The following PEX5 variants were observed in gnomAD, a reference collection of about 807,000 sequenced individuals.
The protein encoded by PEX5 is peroxisomal biogenesis factor 5, also known as PTS1 receptor.
A neutral mutation model predicts 82.9 loss-of-function variants in PEX5; 52 were observed. The ratio of observed to expected loss-of-function variants is 0.63; its 90% confidence interval spans 0.50 to 0.79. PEX5 has a LOEUF of 0.79. Among genes scored for constraint, PEX5 ranks in the 30% least tolerant of loss-of-function variants. PEX5 has a pLI of 0.00. For missense variants in PEX5, 719 were observed against 815.2 expected, an observed-to-expected ratio of 0.88 and a Z score of 1.44; for synonymous variants, 300 against 318.8, an observed-to-expected ratio of 0.94 and a Z score of 0.63.
At position 7,207,874 on chromosome 12, in the gene PEX5, T is replaced by C. The variant is rs180681575; in HGVS notation, c.1110+72T>C. ...ATCTTGAGAAAGGCCCCAAGGAGAGTAGTGCAGATGGGTTAGGGCCTGGGT... is the reference window on the plus strand; with the variant it reads ...ATCTTGAGAAAGGCCCCAAGGAGAGCAGTGCAGATGGGTTAGGGCCTGGGT... On this transcript the variant is annotated intron_variant, in intron 11 of 15. Coordinates refer to ENST00000675855, the MANE Select transcript of PEX5 (RefSeq NM_001351132.2). 55 of 1,572,194 alleles carry C rather than the reference T, an allele frequency of 3.5e-5. No homozygotes were observed. In the African/African-American group the frequency reaches 5.7e-4, roughly 16 times the overall value.
chr12:7,200,210 CG>C (rs1943596635), intron 6 of PEX5, among the ~76,000 whole-genome samples: 1 of 121,620 alleles, frequency 8.2e-6, no homozygotes. Context: ...ACCTCCCAGA[CG>C]GGGTCGCGGC....
chr12:7,209,202 T>A (rs747429536), intron 14 of PEX5, 32 bp downstream of exon 14: 1 of 1,605,506 alleles, frequency 6.2e-7, no homozygotes, highest in Non-Finnish European at 8.5e-7. Flanking sequence ...AAATGGGACA[T>A]GACTGTGTAC....
intron 7 of PEX5, 51 bp downstream of exon 7, chr12:7,201,892 C>T: frequency 7.4e-7 from 1 of 1,350,344 alleles, no homozygotes; most frequent in African/African-American, 1.4e-5. Context: ...TTTTGGAAGG[C>T]AAGAATCTTG....
rs1222592386 is a variant in PEX5, at chr12:7,197,383, A to G, written c.449-1628A>G. Among the ~76,000 whole-genome samples the G allele has an allele frequency of 2.2e-5, 3 of 138,792 alleles. No homozygotes were observed. In the East Asian group the frequency reaches 6.1e-4, roughly 28 times the overall value. 91.1% of individuals were successfully genotyped at this position (138,792 alleles called of 152,430 possible). The stretch of plus-strand genomic sequence containing the variant: ...GTAATAATTATATATGTCATATACA[A>G]TGTAATAATTATATATATGTCATAT... On this transcript the variant is annotated intron_variant, in intron 5 of 15. Transcript: ENST00000675855.
At chr12:7,215,171 A>G (rs765942279), downstream of PEX5, among the ~76,000 whole-genome samples, 1 of 152,344 alleles carries the variant, frequency 6.6e-6, no homozygotes, top group South Asian at 2.1e-4. Flanking sequence ...CAACATTACT[A>G]ATGAAATGCA....
chr12:7,204,447 C>A lies in PEX5; in HGVS notation c.966+896C>A, dbSNP rs148418592. Among the ~76,000 whole-genome samples the A allele has an allele frequency of 1.0e-3, 158 of 152,192 alleles. 1 individual carries two copies. Among genetic ancestry groups the A allele is most frequent in the African/African-American group, 3.7e-3 (152 of 41,506 alleles). On this transcript the variant is annotated intron_variant, in intron 10 of 15. Coordinates refer to ENST00000675855, the MANE Select transcript of PEX5 (RefSeq NM_001351132.2). ...CAGAAAAAGGCTAGAGTTTGAGAGC[C>A]AGTGAAGAACAGTATTAGGAAAAAT...
At chr12:7,201,306 C>G (rs200380421) in intron 6 of PEX5, among the ~76,000 whole-genome samples, 22,425 of 133,704 alleles carry the variant, frequency 0.17, 2,087 homozygotes, top group Non-Finnish European at 0.22. Flanking sequence ...CACACATACA[C>G]ATACACATGT....
rs1260001672 is a variant in PEX5, at chr12:7,190,451, C to T, written c.74C>T (p.Thr25Ile). The change falls in exon 2 of 16, where the codon ACC (threonine) becomes ATC (isoleucine). Residue 25 changes from threonine (T) to isoleucine (I), a missense_variant. Thr to Ile is a moderately conservative substitution (Grantham distance 89). Coordinates refer to ENST00000675855, the MANE Select transcript of PEX5 (RefSeq NM_001351132.2). ...NPLMKLAGHF[T>I]QDKALRQEGL... ...CTCATGAAGCTCGCCGGGCACTTCACCCAGGACAAGGCCCTTCGGCAGGAG... is the reference window on the plus strand; with the variant it reads ...CTCATGAAGCTCGCCGGGCACTTCATCCAGGACAAGGCCCTTCGGCAGGAG... 2.5e-6 allele frequency: 4 copies of T among 1,614,174 alleles called. No individual in the cohort carries two copies. Among genetic ancestry groups the T allele is most frequent in the African/African-American group, 2.7e-5 (2 of 75,046 alleles).
At chr12:7,196,522 TAATTA>T (rs1188939899) in intron 5 of PEX5, among the ~76,000 whole-genome samples, 3 of 45,614 alleles carry the variant, frequency 6.6e-5, no homozygotes, top group Middle Eastern at 0.038. Flanking sequence ...TATAATGTAA[TAATTA>T]TATATGTCAC....
intron 14 of PEX5, 111 bp downstream of exon 14, chr12:7,209,281 A>AT (rs1336560809): frequency 5.4e-6 from 6 of 1,103,682 alleles, no homozygotes; most frequent in Non-Finnish European, 8.1e-6. Flanking sequence ...GCTACTTGGG[A>AT]GGCTGAAGTG....
intron 11 of PEX5, 96 bp from the exon 12 acceptor site, chr12:7,207,914 G>A: frequency 6.6e-7 from 1 of 1,522,140 alleles, no homozygotes; most frequent in South Asian, 1.1e-5. Flanking sequence ...GCCTAGGATA[G>A]GGGCTTGAGA....
chr12:7,189,104 T>A (rs1940421523), upstream of PEX5: 1 of 152,082 alleles, frequency 6.6e-6, no homozygotes, highest in Admixed American at 6.5e-5. Flanking sequence ...ATTTTCCCCA[T>A]TATGCAGAGG....
In PEX5 at chr12:7,199,457, C is replaced by A. The variant is rs375085478; in HGVS notation, c.551+344C>A. Reference sequence around the variant, plus strand: ...TCTGTTTAACAAAGCACATCTTGCACCGCCCTTAATCCATTTAACCCTGAG... The same window carrying A: ...TCTGTTTAACAAAGCACATCTTGCAACGCCCTTAATCCATTTAACCCTGAG... On this transcript the variant is annotated intron_variant, in intron 6 of 15. Transcript: ENST00000675855. Among the ~76,000 whole-genome samples the A allele has an allele frequency of 1.3e-3, 189 of 150,024 alleles. 5 individuals carry two copies. The South Asian group carries it at 0.039, about 31-fold the overall frequency.
chr12:7,191,604 T>G lies in PEX5; in HGVS notation c.352T>G (p.Trp118Gly). ...GVADLALSEN[W>G]AQEFLAAGDA... ...GGCAGACTTGGCCTTGTCTGAGAAC[T>G]GGGCCCAGGAGTTTCTTGCAGCTGG... Residue 118 changes from tryptophan (W) to glycine (G), a missense_variant, in exon 5 of 16, where the codon TGG becomes GGG. Trp to Gly is a radical substitution (Grantham distance 184). Coordinates refer to ENST00000675855, the MANE Select transcript of PEX5 (RefSeq NM_001351132.2). 6.2e-7 allele frequency: 1 copy of G among 1,613,938 alleles called. No homozygotes were observed. The highest frequency in any genetic ancestry group is 8.5e-7 in the Non-Finnish European group (1 of 1,179,806).
downstream of PEX5, among the ~76,000 whole-genome samples, chr12:7,213,557 C>G (rs1291505631): frequency 1.4e-5 from 2 of 147,562 alleles, no homozygotes; most frequent in Admixed American, 6.8e-5. Flanking sequence ...CTTCCTTACA[C>G]CTTATACAAA....
intron 10 of PEX5, among the ~76,000 whole-genome samples, chr12:7,206,185 G>A (rs1173564392): frequency 6.6e-6 from 1 of 152,220 alleles, no homozygotes; most frequent in East Asian, 1.9e-4. Flanking sequence ...TGGCTTGTGG[G>A]ATAAATCTTT....
chr12:7,196,369 AT>A (rs1273067535), intron 5 of PEX5, among the ~76,000 whole-genome samples: 1 of 138,252 alleles, frequency 7.2e-6, no homozygotes, highest in Non-Finnish European at 1.5e-5. Flanking sequence ...TATATGACAT[AT>A]ATAATGTAAT....
chr12:7,210,452 A>ACATCCAGCTACAGATCT lies in PEX5; in HGVS notation c.*231_*247dup. 1 of 606,352 alleles carries ACATCCAGCTACAGATCT rather than the reference A, an allele frequency of 1.6e-6. No homozygotes were observed. Among genetic ancestry groups the ACATCCAGCTACAGATCT allele is most frequent in the Non-Finnish European group, 3.0e-6 (1 of 336,640 alleles). 37.6% of individuals were successfully genotyped at this position (606,352 alleles called of 1,614,324 possible). A position where few individuals can be genotyped will look rare whatever the true frequency, so the allele number is the denominator to read the frequency against. ...AGTCCCTTGGTAATTCAAGGGCTGT[A>ACATCCAGCTACAGATCT]CATCCAGCTACAGATCTCTCTGCTC... On this transcript the variant is annotated 3_prime_UTR_variant, in exon 16 of 16. Transcript: ENST00000675855.
intron 4 of PEX5, 25 bp downstream of exon 4, chr12:7,191,383 G>A (rs748942380): frequency 8.7e-6 from 14 of 1,614,002 alleles, no homozygotes; most frequent in South Asian, 5.5e-5. Flanking sequence ...TAGTGGGAGG[G>A]GAGATCGTTT....
Sources: allele counts gnomAD v4.1 joint callset (sites outside exome capture counted in the v4.1 genomes callset), GRCh38; gene constraint gnomAD v4.1.1; transcripts MANE v1.5; gene names NCBI Gene and HGNC (gene_info 2026-07-23, HGNC 2026-07-21).